C5orf15: variants seen among roughly 807,000 people sequenced by gnomAD.
C5orf15 encodes the protein keratinocyte-associated transmembrane protein 2.
A neutral mutation model predicts 17.8 loss-of-function variants in C5orf15; 10 were observed. The observed-to-expected ratio is 0.56, with a 90% CI of 0.35 to 0.95. C5orf15 has a LOEUF of 0.95. C5orf15 is among the 40% of genes least tolerant of loss of function. C5orf15 has a pLI of 0.02. For synonymous variants in C5orf15, 124 were observed against 131.0 expected, an observed-to-expected ratio of 0.95 and a Z score of 0.36; for missense variants, 319 against 331.7, an observed-to-expected ratio of 0.96 and a Z score of 0.30.
In C5orf15 at chr5:133,959,944, T is replaced by A. The variant is rs1319525891; in HGVS notation, c.216A>T (p.Thr72=). Residue 72 remains threonine (T), a synonymous_variant, in exon 2 of 3, where the codon ACA becomes ACT. Coordinates refer to ENST00000231512, the MANE Select transcript of C5orf15 (RefSeq NM_020199.3). ...TAGAAGGTTTGGTTTGGTTTTCATG[T>A]GTTAAAGCATTCACATTTGGGGTAG... ...HISTPNVNAL[T]HENQTKPSIS... is the part of the protein sequence containing the mutation. The A allele has an allele frequency of 3.7e-6, 6 of 1,614,118 alleles. No individual in the cohort carries two copies. Among genetic ancestry groups the A allele is most frequent in the Middle Eastern group, 1.6e-4 (1 of 6,062 alleles).
In C5orf15 at chr5:133,955,656, G is replaced by A. The variant is rs991355296; in HGVS notation, c.*1203C>T. On this transcript the variant is annotated 3_prime_UTR_variant, in exon 3 of 3. Coordinates refer to ENST00000231512, the MANE Select transcript of C5orf15 (RefSeq NM_020199.3). Reference sequence around the variant, plus strand: ...TCCCTATTAGGAAAGTACACTGTCCGCCCAAGAGACAGGATGGACGGCCTT... The same window carrying A: ...TCCCTATTAGGAAAGTACACTGTCCACCCAAGAGACAGGATGGACGGCCTT... 5 of 152,568 alleles carry A rather than the reference G, an allele frequency of 3.3e-5. No individual in the cohort carries two copies. Among genetic ancestry groups the A allele is most frequent in the African/African-American group, 1.2e-4 (5 of 41,416 alleles). The allele number at this position is 152,568 out of a possible 1,614,324, so 9.5% of individuals were successfully genotyped here.
chr5:133,958,815 ATAAAT>A (rs3059705), intron 2 of C5orf15, among the ~76,000 whole-genome samples: 3,090 of 152,180 alleles, frequency 0.02, 87 homozygotes, highest in African/African-American at 0.069. Context: ...TTCAATGTTA[ATAAAT>A]TAAAAGACAA....
intron 1 of C5orf15, among the ~76,000 whole-genome samples, chr5:133,965,376 G>A (rs973760221): frequency 1.3e-5 from 2 of 152,062 alleles, no homozygotes; most frequent in Non-Finnish European, 2.9e-5. Context: ...GTAAAATCTT[G>A]GAAGTAATAC....
intron 1 of C5orf15, 133 bp from the exon 2 acceptor site, chr5:133,960,153 T>G (rs1752102838): frequency 7.4e-6 from 5 of 675,718 alleles, no homozygotes. Context: ...AACTAGTTAT[T>G]AAGTCTCAAT....
chr5:133,964,483 G>A (rs139657156), intron 1 of C5orf15, among the ~76,000 whole-genome samples: 386 of 152,210 alleles, frequency 2.5e-3, no homozygotes, highest in South Asian at 6.6e-3. Flanking sequence ...GTAATGCCCC[G>A]TATTTTGACT....
At position 133,960,057 on chromosome 5, in the gene C5orf15, A is replaced by G. The variant is rs368556171; in HGVS notation, c.140-37T>C. The G allele has an allele frequency of 5.8e-6, 9 of 1,539,314 alleles. No homozygotes were observed. The African/African-American group carries it at 1.1e-4, about 19-fold the overall frequency. Reference sequence around the variant, plus strand: ...AAAGAATATCAAACTGAAATCTCCAACTTTATCTCCACCAAGCTAAAAGCA... The same window carrying G: ...AAAGAATATCAAACTGAAATCTCCAGCTTTATCTCCACCAAGCTAAAAGCA... On this transcript the variant is annotated intron_variant, in intron 1 of 2. Transcript: ENST00000231512.
intron 1 of C5orf15, among the ~76,000 whole-genome samples, chr5:133,967,026 G>A (rs2126879268): frequency 1.3e-5 from 2 of 152,232 alleles, no homozygotes; most frequent in South Asian, 4.1e-4. Flanking sequence ...CATCTCTTAG[G>A]GGAAAAAAGC....
Position 133,959,754 on chromosome 5 carries a change from G to C in C5orf15, c.406C>G (p.Pro136Ala), listed in dbSNP as rs1752091689. 1 of 1,614,002 alleles carries C rather than the reference G, an allele frequency of 6.2e-7. No individual in the cohort carries two copies. Among genetic ancestry groups the C allele is most frequent in the Non-Finnish European group, 8.5e-7 (1 of 1,180,022 alleles). Residue 136 changes from proline (P) to alanine (A), a missense_variant, in exon 2 of 3, where the codon CCA (proline) becomes GCA (alanine). By Grantham distance (27) the Pro-to-Ala change is conservative. Around this residue, in one of 3 missense-constraint regions of C5orf15, gnomAD observed 175 missense variants for 192.4 expected, o/e 0.91. Transcript: ENST00000231512. ...EEDLLMLNSS[P>A]STAKDTLDNG... ...TCTAGAGTGTCTTTGGCTGTGGATGGAGAACTGTTCAGCATGAGAAGATCC... is the reference window on the plus strand; with the variant it reads ...TCTAGAGTGTCTTTGGCTGTGGATGCAGAACTGTTCAGCATGAGAAGATCC...
At position 133,964,886 on chromosome 5, in the gene C5orf15, A is replaced by T. The variant is rs759513466; in HGVS notation, c.139+3560T>A. 4.5e-4 allele frequency among the ~76,000 whole-genome samples: 69 copies of T among 152,168 alleles called. 1 individual carries two copies. Among genetic ancestry groups the T allele is most frequent in the Non-Finnish European group, 7.6e-4 (52 of 68,014 alleles). ...CATGGATTATTACAATAGCCTCCTA[A>T]TTAATCTGCCTGCTTCCACCCTAAC... is the stretch of plus-strand genomic sequence containing the variant. On this transcript the variant is annotated intron_variant, in intron 1 of 2. Transcript: ENST00000231512.
chr5:133,965,770 C>A (rs1219199357), intron 1 of C5orf15, among the ~76,000 whole-genome samples: 1 of 151,874 alleles, frequency 6.6e-6, no homozygotes. Context: ...TACAAAAATA[C>A]AAAAATCAGC....
In C5orf15 at chr5:133,956,877, G is replaced by T; in HGVS notation, c.780C>A (p.Thr260=). 1 of 1,591,198 alleles carries T rather than the reference G, an allele frequency of 6.3e-7. No homozygotes were observed. The highest frequency in any genetic ancestry group is 8.5e-7 in the Non-Finnish European group (1 of 1,171,506). ...CAGTGCTTTAAAAAATATAATCATT[G>T]GTAATCTTCAAAGAAGGCATTGCCT... ...VNEAMPSLKI[T]NDYIF The change falls in exon 3 of 3, where the codon ACC becomes ACA. Residue 260 remains threonine (T), a synonymous_variant. Coordinates refer to ENST00000231512, the MANE Select transcript of C5orf15 (RefSeq NM_020199.3).
intron 2 of C5orf15, 21 bp downstream of exon 2, chr5:133,959,473 C>A: frequency 8.3e-7 from 1 of 1,208,674 alleles, no homozygotes; most frequent in Non-Finnish European, 1.1e-6. Flanking sequence ...TAATAAAGGG[C>A]TAAAAAAATC....
At chr5:133,963,569 G>A (rs2126878125) in intron 1 of C5orf15, among the ~76,000 whole-genome samples, 1 of 152,326 alleles carries the variant, frequency 6.6e-6, no homozygotes, top group East Asian at 1.9e-4. Flanking sequence ...GAAACAACAT[G>A]GTGGTGACTT....
intron 1 of C5orf15, among the ~76,000 whole-genome samples, chr5:133,965,690 C>A (rs1180615877): frequency 6.6e-6 from 1 of 152,182 alleles, no homozygotes; most frequent in Non-Finnish European, 1.5e-5. Flanking sequence ...CTTTGGGAGG[C>A]CAGGGCAAGT....
chr5:133,962,616 T>C (rs914830683), intron 1 of C5orf15, among the ~76,000 whole-genome samples: 2 of 152,200 alleles, frequency 1.3e-5, no homozygotes, highest in Non-Finnish European at 2.9e-5. Flanking sequence ...CCTGCCTTGA[T>C]TTCAAAATCT....
chr5:133,961,805 T>C (rs1263844028), intron 1 of C5orf15, among the ~76,000 whole-genome samples: 1 of 151,666 alleles, frequency 6.6e-6, no homozygotes, highest in Non-Finnish European at 1.5e-5. Flanking sequence ...CATCTTGCCA[T>C]GTTGCCCAGG....
In C5orf15 at chr5:133,959,744, G is replaced by A. The variant is rs1752091473; in HGVS notation, c.416C>T (p.Ala139Val). The change falls in exon 2 of 3, where the codon GCC becomes GTC. Residue 139 changes from alanine (A) to valine (V), a missense_variant. By Grantham distance (64) the Ala-to-Val change is moderately conservative. Transcript: ENST00000231512. ...LLMLNSSPST[A>V]KDTLDNGDYG... ...ATCGCCATTGTCTAGAGTGTCTTTG[G>A]CTGTGGATGGAGAACTGTTCAGCAT... The A allele has an allele frequency of 6.2e-7, 1 of 1,614,100 alleles. No homozygotes were observed. Among genetic ancestry groups the A allele is most frequent in the African/African-American group, 1.3e-5 (1 of 75,004 alleles).
intron 2 of C5orf15, among the ~76,000 whole-genome samples, chr5:133,957,246 C>A (rs1304088800): frequency 6.6e-6 from 1 of 151,824 alleles, no homozygotes; most frequent in Non-Finnish European, 1.5e-5. Flanking sequence ...TGCCTGTAGT[C>A]CCAGCTACTC....
chr5:133,957,090 T>A, intron 2 of C5orf15, 100 bp from the exon 3 acceptor site: 1 of 1,080,082 alleles, frequency 9.3e-7, no homozygotes, highest in South Asian at 1.5e-5. Flanking sequence ...TTTCTAAATA[T>A]AAAACACAAA....
Sources: allele counts gnomAD v4.1 joint callset (sites outside exome capture counted in the v4.1 genomes callset), GRCh38; gene constraint gnomAD v4.1.1; regional missense constraint gnomAD v4.1.1; transcripts MANE v1.5; gene names NCBI Gene and HGNC (gene_info 2026-07-23, HGNC 2026-07-21).